The following SUPT3H variants were observed in gnomAD, a reference collection of about 807,000 sequenced individuals.
SUPT3H encodes the protein SPT3 homolog, SAGA and STAGA complex component.
SUPT3H carries 44 observed loss-of-function variants against 44.3 expected under a neutral mutation model. The observed-to-expected ratio is 0.99, with a 90% CI of 0.78 to 1.28. The LOEUF (loss-of-function observed/expected upper bound fraction) is 1.28, where lower values mean the gene tolerates loss of function less well. Ranked by LOEUF, SUPT3H falls within the 50% of genes most tolerant of loss-of-function variation. The pLI is 0.00. For missense variants in SUPT3H, 380 were observed against 387.1 expected (o/e 0.98, Z 0.15); for synonymous variants, 124 against 125.6 (o/e 0.99, Z 0.09).
chr6:45,141,338 C>CAAAAAAAAAAAAAAAAAAAA (rs1162738855), intron 2 of SUPT3H, among the ~76,000 whole-genome samples: 1 of 45,280 alleles, frequency 2.2e-5, no homozygotes, highest in African/African-American at 1.1e-4. Flanking sequence ...GACTCCATCT[C>CAAAAAAAAAAAAAAAAAAAA]AAAAAAAAAA....
At chr6:45,183,652 G>T (rs1252176556) in intron 2 of SUPT3H, among the ~76,000 whole-genome samples, 2 of 152,136 alleles carry the variant, frequency 1.3e-5, no homozygotes, top group Non-Finnish European at 2.9e-5. Flanking sequence ...ACTAGGCCCC[G>T]CCTCCAACAC....
At position 44,939,738 on chromosome 6, in the gene SUPT3H, T is replaced by C. The variant is rs116278996; in HGVS notation, c.802-6975A>G. Among the ~76,000 whole-genome samples the C allele has an allele frequency of 5.3e-3, 810 of 152,252 alleles. 6 individuals are homozygous for C. The highest frequency in any genetic ancestry group is 0.018 in the African/African-American group (757 of 41,576). On this transcript the variant is annotated intron_variant, in intron 9 of 10. Coordinates refer to ENST00000371459, the MANE Select transcript of SUPT3H (RefSeq NM_003599.4). ...TTACTGATTCAATCTTGGTACTTGT[T>C]ATTGGTCTATTCAGGATTTCTATTT... is the stretch of plus-strand genomic sequence containing the variant.
intron 2 of SUPT3H, among the ~76,000 whole-genome samples, chr6:45,182,463 C>T (rs957183650): frequency 3.3e-5 from 5 of 152,010 alleles, no homozygotes; most frequent in Admixed American, 6.6e-5. Context: ...GGTTTCACCA[C>T]GCTGGCCAGG....
intron 2 of SUPT3H, among the ~76,000 whole-genome samples, chr6:45,145,405 C>T (rs905258237): frequency 6.6e-6 from 1 of 151,952 alleles, no homozygotes; most frequent in African/African-American, 2.4e-5. Flanking sequence ...CAAACAAAAA[C>T]ATAAAGTGAG....
intron 2 of SUPT3H, among the ~76,000 whole-genome samples, chr6:45,241,252 A>G (rs1204571894): frequency 1.3e-5 from 2 of 152,178 alleles, no homozygotes; most frequent in African/African-American, 4.8e-5. Context: ...ACTGGCCATA[A>G]ACAAAATCTC....
At chr6:45,078,767 C>T (rs901033705) in intron 3 of SUPT3H, among the ~76,000 whole-genome samples, 2 of 152,112 alleles carry the variant, frequency 1.3e-5, no homozygotes, top group African/African-American at 2.4e-5. Context: ...GAATACAACA[C>T]CTCATTCTCT....
intron 2 of SUPT3H, among the ~76,000 whole-genome samples, chr6:45,246,243 C>T (rs1235787219): frequency 6.6e-6 from 1 of 152,030 alleles, no homozygotes; most frequent in African/African-American, 2.4e-5. Context: ...CTCTTGACAG[C>T]GTCCTTTGAT....
In SUPT3H at chr6:45,134,765, C is replaced by T. The variant is rs527816357; in HGVS notation, c.102-28759G>A. On this transcript the variant is annotated intron_variant, in intron 2 of 10. Coordinates refer to ENST00000371459, the MANE Select transcript of SUPT3H (RefSeq NM_003599.4). ...AGTTCTGCCAGGATGGATTTGCATG[C>T]TGGTAGCTCGACAGCTCTGGATTCT... 1.9e-4 allele frequency among the ~76,000 whole-genome samples: 29 copies of T among 152,290 alleles called. 1 individual carries two copies. The East Asian group carries it at 5.4e-3, about 28-fold the overall frequency.
At chr6:44,981,291 T>C (rs545354086) in intron 6 of SUPT3H, among the ~76,000 whole-genome samples, 2 of 152,344 alleles carry the variant, frequency 1.3e-5, no homozygotes, top group Admixed American at 1.3e-4. Context: ...AGAAGTCATA[T>C]ACCTGGAAAA....
intron 9 of SUPT3H, among the ~76,000 whole-genome samples, chr6:44,947,887 G>C (rs1773610744): frequency 6.6e-6 from 1 of 152,108 alleles, no homozygotes. Context: ...AAGAGATAAA[G>C]CTTCTAGAAG....
At chr6:45,372,844 G>A (rs1035278772) in intron 1 of SUPT3H, among the ~76,000 whole-genome samples, 1 of 151,976 alleles carries the variant, frequency 6.6e-6, no homozygotes, top group African/African-American at 2.4e-5. Flanking sequence ...TTGAGATGGA[G>A]TTTTGCTCTG....
intron 10 of SUPT3H, among the ~76,000 whole-genome samples, chr6:44,849,523 G>A (rs9472383): frequency 0.42 from 63,370 of 151,892 alleles, 13,599 homozygotes; most frequent in East Asian, 0.7. Flanking sequence ...CACCGCGCCC[G>A]GCCATGAATA....
chr6:44,938,795 G>T (rs1449346328), intron 9 of SUPT3H, among the ~76,000 whole-genome samples: 1 of 151,822 alleles, frequency 6.6e-6, no homozygotes, highest in African/African-American at 2.4e-5. Flanking sequence ...TCATTTCATT[G>T]GTTAAATATT....
In SUPT3H at chr6:45,303,002, G is replaced by A. The variant is rs150762152; in HGVS notation, c.101+62199C>T. On this transcript the variant is annotated intron_variant, in intron 2 of 10. Transcript: ENST00000371459. The stretch of plus-strand genomic sequence containing the variant: ...TACAGTCAACTGATCTTCAACAAAC[G>A]AAACATAAAGCGGGGAAAGGATACC... Among the ~76,000 whole-genome samples the A allele has an allele frequency of 5.1e-3, 771 of 152,104 alleles. 11 individuals carry two copies. Among genetic ancestry groups the A allele is most frequent in the African/African-American group, 0.018 (733 of 41,484 alleles).
chr6:45,237,828 T>A (rs543235878), intron 2 of SUPT3H, among the ~76,000 whole-genome samples: 2 of 152,266 alleles, frequency 1.3e-5, no homozygotes, highest in East Asian at 3.9e-4. Context: ...ATCAGGTAAA[T>A]GGAGAATGTT....
intron 3 of SUPT3H, among the ~76,000 whole-genome samples, chr6:45,056,054 A>T (rs1011375118): frequency 3.9e-5 from 6 of 152,158 alleles, no homozygotes; most frequent in Admixed American, 3.9e-4. Flanking sequence ...TATACAAATG[A>T]TCAACAAACA....
chr6:44,815,797 A>G (rs952740937), intron 11 of SUPT3H, among the ~76,000 whole-genome samples: 19 of 152,078 alleles, frequency 1.2e-4, no homozygotes, highest in Non-Finnish European at 2.1e-4. Flanking sequence ...AGTATACAGA[A>G]GAACTGAATA....
At chr6:45,002,811 A>G (rs994071281) in intron 6 of SUPT3H, among the ~76,000 whole-genome samples, 6 of 152,126 alleles carry the variant, frequency 3.9e-5, no homozygotes, top group South Asian at 2.1e-4. Flanking sequence ...GACCTCCTCC[A>G]AAGTTTAACA....
intron 2 of SUPT3H, among the ~76,000 whole-genome samples, chr6:45,340,280 AAAAAT>A (rs1178906368): frequency 6.6e-6 from 1 of 152,174 alleles, no homozygotes; most frequent in East Asian, 1.9e-4. Flanking sequence ...GAGATTAAGA[AAAAAT>A]AAAAGTATAT....
Sources: gnomAD v4.1 joint callset for allele counts (sites outside exome capture counted in the v4.1 genomes callset) on GRCh38, gnomAD v4.1.1 for gene constraint, MANE v1.5 for transcripts, NCBI Gene and HGNC (gene_info 2026-07-23, HGNC 2026-07-21) for gene names.